Variants in DPF3 observed in about 807,000 individuals in gnomAD.
DPF3 encodes zinc finger protein DPF3.
Under a neutral mutation model 56.8 loss-of-function variants are expected in DPF3, and 18 were observed. The ratio of observed to expected loss-of-function variants is 0.32; its 90% CI spans 0.22 to 0.47. The LOEUF (loss-of-function observed/expected upper bound fraction) is 0.47. Among genes scored for constraint, DPF3 ranks in the 20% least tolerant of loss-of-function variants. DPF3 has a pLI of 1.00. For missense variants in DPF3, 403 were observed against 488.8 expected, an observed-to-expected ratio of 0.82 and a Z score of 1.65; for synonymous variants, 188 against 180.2, an observed-to-expected ratio of 1.04 and a Z score of -0.35.
intron 6 of DPF3, among the ~76,000 whole-genome samples, chr14:72,712,868 G>A (rs1001654844): frequency 4.6e-5 from 7 of 152,200 alleles, no homozygotes; most frequent in African/African-American, 7.2e-5. Flanking sequence ...ACGCAAGAGC[G>A]TCTCTTAAAA....
At chr14:72,879,335 C>T (rs1031642528) in intron 1 of DPF3, among the ~76,000 whole-genome samples, 1 of 151,684 alleles carries the variant, frequency 6.6e-6, no homozygotes, top group African/African-American at 2.4e-5. Flanking sequence ...GTGAGCCGCA[C>T]CACTGCACTC....
At chr14:72,884,953 T>TATATACAC (rs1555516747) in intron 1 of DPF3, among the ~76,000 whole-genome samples, 2 of 73,780 alleles carry the variant, frequency 2.7e-5, no homozygotes, top group Non-Finnish European at 5.8e-5. Flanking sequence ...TATATATATA[T>TATATACAC]ATATATATAT....
intron 1 of DPF3, among the ~76,000 whole-genome samples, chr14:72,839,458 G>A (rs1174212604): frequency 2.6e-5 from 4 of 152,140 alleles, no homozygotes; most frequent in Non-Finnish European, 1.5e-5. Context: ...CGTGATTAGC[G>A]GGGCTGGGGA....
At chr14:72,772,639 T>C (rs561981264) in intron 1 of DPF3, among the ~76,000 whole-genome samples, 10 of 152,316 alleles carry the variant, frequency 6.6e-5, no homozygotes. Flanking sequence ...GCACAGTATA[T>C]TTTACGTTCC....
intron 4 of DPF3, among the ~76,000 whole-genome samples, chr14:72,726,716 AC>A (rs551424021): frequency 6.6e-6 from 1 of 151,966 alleles, no homozygotes; most frequent in Non-Finnish European, 1.5e-5. Flanking sequence ...AAGTCAGCTG[AC>A]CCCCCAGTAA....
At chr14:72,631,673 A>T (rs758641071) in intron 8 of DPF3, among the ~76,000 whole-genome samples, 3 of 152,242 alleles carry the variant, frequency 2.0e-5, no homozygotes, top group Non-Finnish European at 4.4e-5. Context: ...TTGAGCACCT[A>T]CAAGGCAGGC....
chr14:72,717,668 T>C (rs959302072), intron 5 of DPF3, among the ~76,000 whole-genome samples: 2 of 152,198 alleles, frequency 1.3e-5, no homozygotes, highest in Non-Finnish European at 2.9e-5. Flanking sequence ...CTCAGTTAAT[T>C]CCTACAATAA....
intron 6 of DPF3, among the ~76,000 whole-genome samples, chr14:72,704,288 T>C (rs568666370): frequency 2.6e-5 from 4 of 152,292 alleles, no homozygotes; most frequent in African/African-American, 9.6e-5. Context: ...AATTGTACAA[T>C]AAAAATAATT....
intron 8 of DPF3, among the ~76,000 whole-genome samples, chr14:72,672,423 C>T (rs1221613430): frequency 1.3e-5 from 2 of 152,160 alleles, no homozygotes; most frequent in African/African-American, 4.8e-5. Context: ...GAGAAGTATT[C>T]GCCCACCTGC....
chr14:72,796,300 G>C (rs531675671), intron 1 of DPF3, among the ~76,000 whole-genome samples: 1 of 152,168 alleles, frequency 6.6e-6, no homozygotes, highest in Non-Finnish European at 1.5e-5. Flanking sequence ...TCAGGAGTTT[G>C]AGACCAGCCT....
intron 6 of DPF3, among the ~76,000 whole-genome samples, chr14:72,694,589 T>C (rs1887832292): frequency 1.3e-5 from 2 of 152,094 alleles, no homozygotes; most frequent in African/African-American, 2.4e-5. Context: ...TCTCTTGGGG[T>C]TTTTCAGTAG....
intron 1 of DPF3, among the ~76,000 whole-genome samples, chr14:72,881,278 T>C (rs906299812): frequency 1.3e-5 from 2 of 151,908 alleles, no homozygotes; most frequent in African/African-American, 4.8e-5. Flanking sequence ...GAGATCTCAT[T>C]CTCTAAAATT....
chr14:72,760,090 A>G (rs1891004829), intron 2 of DPF3, among the ~76,000 whole-genome samples: 1 of 152,244 alleles, frequency 6.6e-6, no homozygotes, highest in African/African-American at 2.4e-5. Flanking sequence ...AATGAACAGC[A>G]TCAGAAATGG....
chr14:72,697,321 A>G (rs1425838741), intron 6 of DPF3, among the ~76,000 whole-genome samples: 1 of 152,190 alleles, frequency 6.6e-6, no homozygotes, highest in African/African-American at 2.4e-5. Context: ...AGAGATCTGC[A>G]TGTAAACAAG....
chr14:72,735,315 G>A (rs1377364797), intron 3 of DPF3, among the ~76,000 whole-genome samples: 3 of 152,060 alleles, frequency 2.0e-5, no homozygotes, highest in Non-Finnish European at 2.9e-5. Flanking sequence ...ACCATTCTGC[G>A]ACAGTATCTA....
At chr14:72,692,970 C>T (rs1364524614) in intron 7 of DPF3, 106 bp downstream of exon 7, 20 of 1,541,440 alleles carry the variant, frequency 1.3e-5, no homozygotes, top group Middle Eastern at 2.1e-4. Flanking sequence ...GACCACTCAA[C>T]GGTTGCTACC....
intron 3 of DPF3, among the ~76,000 whole-genome samples, chr14:72,752,772 T>A (rs1890632295): frequency 6.6e-6 from 1 of 152,206 alleles, no homozygotes; most frequent in Admixed American, 6.5e-5. Flanking sequence ...AACTCTTCCA[T>A]CCTCATCCAA....
chr14:72,688,152 TGATG>T (rs1208372778), intron 7 of DPF3, among the ~76,000 whole-genome samples: 20,226 of 103,698 alleles, frequency 0.2, 2,468 homozygotes, highest in East Asian at 0.53. Context: ...ATGAGATGGA[TGATG>T]GATGGATGGA....
chr14:72,882,667 C>G (rs1405920160), intron 1 of DPF3, among the ~76,000 whole-genome samples: 1 of 152,104 alleles, frequency 6.6e-6, no homozygotes, highest in East Asian at 1.9e-4. Context: ...ATAGAGCGCT[C>G]CCACGATAAT....
Sources: gnomAD v4.1 joint callset for allele counts (sites outside exome capture counted in the v4.1 genomes callset) on GRCh38, gnomAD v4.1.1 for gene constraint, MANE v1.5 for transcripts, NCBI Gene and HGNC (gene_info 2026-07-23, HGNC 2026-07-21) for gene names.